The following KDM7A variants were observed in gnomAD, a reference collection of about 807,000 sequenced individuals.
KDM7A encodes the protein lysine-specific demethylase 7A.
A neutral mutation model predicts 114.8 loss-of-function variants in KDM7A; 28 were observed. That is an observed-to-expected ratio of 0.24 (90% confidence interval 0.18 to 0.33). The LOEUF (loss-of-function observed/expected upper bound fraction) is 0.33. Among genes scored for constraint, KDM7A ranks in the 10% least tolerant of loss-of-function variants. KDM7A has a pLI of 1.00. For missense variants in KDM7A, 942 were observed against 1,142.5 expected, an observed-to-expected ratio of 0.82 and a Z score of 2.53; for synonymous variants, 423 against 397.8, an observed-to-expected ratio of 1.06 and a Z score of -0.75.
rs1794710514 is a variant in KDM7A at position 140,176,519 on chromosome 7, C to A, written c.194+225G>T. Among the ~76,000 whole-genome samples, 1 of 146,886 alleles carries A rather than the reference C, an allele frequency of 6.8e-6. No homozygotes were observed. Among genetic ancestry groups the A allele is most frequent in the Non-Finnish European group, 1.5e-5 (1 of 65,992 alleles). On this transcript the variant is annotated intron_variant, in intron 1 of 19. Coordinates refer to ENST00000397560, the MANE Select transcript of KDM7A (RefSeq NM_030647.2). This position sits in a 1 kb window ranked among gnomAD's most constrained non-coding sequence, Gnocchi z 4.4. ...TTTGTTCGTGTTTGTTGTGGCGACT[C>A]TTCGCCCGGGCCAGGCGAGCCCACC...
chr7:140,106,252 A>AT (rs561119495), intron 11 of KDM7A, among the ~76,000 whole-genome samples: 404 of 151,932 alleles, frequency 2.7e-3, no homozygotes, highest in African/African-American at 7.7e-3. Context: ...AGATTCATTG[A>AT]TTTTTTTGAA....
Position 140,100,739 on chromosome 7 carries a change from TATACATATATA to T in KDM7A, c.1639-727_1639-717del, listed in dbSNP as rs1562946173. ...ATATATATATATATATATATATATATATACATATATATTTTTTTGTTTGTTTGTTTGTTTGT... is the reference window on the plus strand; with the variant it reads ...ATATATATATATATATATATATATATTTTTTTTGTTTGTTTGTTTGTTTGT... On this transcript the variant is annotated intron_variant, in intron 12 of 19. Transcript: ENST00000397560. Among the ~76,000 whole-genome samples the T allele has an allele frequency of 1.0e-3, 52 of 50,236 alleles. 1 individual carries two copies. Among genetic ancestry groups the T allele is most frequent in the African/African-American group, 3.8e-3 (51 of 13,424 alleles). 33.0% of individuals were successfully genotyped at this position (50,236 alleles called of 152,430 possible).
At chr7:140,175,018 T>C (rs190955883) in intron 1 of KDM7A, among the ~76,000 whole-genome samples, 9 of 152,346 alleles carry the variant, frequency 5.9e-5, no homozygotes, top group African/African-American at 1.9e-4. Flanking sequence ...TTTTATTCTA[T>C]ATAGAACCTA....
chr7:140,134,382 T>C (rs568301291), intron 2 of KDM7A, among the ~76,000 whole-genome samples: 1 of 152,194 alleles, frequency 6.6e-6, no homozygotes, highest in Admixed American at 6.5e-5. Flanking sequence ...TTCCTCAATG[T>C]AGGAATGAAG....
In KDM7A at chr7:140,115,665, G is replaced by A. The variant is rs377032161; in HGVS notation, c.1247-2083C>T. Among the ~76,000 whole-genome samples the A allele has an allele frequency of 5.1e-4, 78 of 151,874 alleles. No individual in the cohort carries two copies. The East Asian group carries it at 6.2e-3, about 12-fold the overall frequency. On this transcript the variant is annotated intron_variant, in intron 9 of 19. Coordinates refer to ENST00000397560, the MANE Select transcript of KDM7A (RefSeq NM_030647.2). ...AGGGACACAAACACTGCAGAAGGCC[G>A]CAGGGTCCTCTGCCTAGGAAAACCA...
At chr7:140,098,473 G>T in intron 14 of KDM7A, among the ~76,000 whole-genome samples, 1 of 152,158 alleles carries the variant, frequency 6.6e-6, no homozygotes, top group Admixed American at 6.5e-5. Context: ...ATTACTAACA[G>T]CTTCAGATTA....
At chr7:140,124,975 TC>T (rs1402811523) in intron 6 of KDM7A, among the ~76,000 whole-genome samples, 192 bp from the exon 7 acceptor site, 1 of 152,020 alleles carries the variant, frequency 6.6e-6, no homozygotes, top group Non-Finnish European at 1.5e-5. Flanking sequence ...TGTTTAAAGC[TC>T]CCCCTCCTCA....
At position 140,099,001 on chromosome 7, in the gene KDM7A, A is replaced by C; in HGVS notation, c.1796T>G (p.Leu599Arg). 6.2e-7 allele frequency: 1 copy of C among 1,613,254 alleles called. No individual in the cohort carries two copies. The highest frequency in any genetic ancestry group is 1.7e-5 in the Admixed American group (1 of 59,878). Residue 599 changes from leucine (L) to arginine (R), a missense_variant, in exon 14 of 20, where the codon CTT becomes CGT. Leu to Arg is a moderately radical substitution (Grantham distance 102). Around this residue, in one of 4 missense-constraint regions of KDM7A, gnomAD observed 512 missense variants for 576.6 expected, o/e 0.89. Coordinates refer to ENST00000397560, the MANE Select transcript of KDM7A (RefSeq NM_030647.2). ...DERQPFADQSLYTADSENEED... is the reference protein window; with the variant it reads ...DERQPFADQSRYTADSENEED... The stretch of plus-strand genomic sequence containing the variant: ...TTCATTTTCACTATCTGCTGTATAA[A>C]GACTTTGATCTGCAAAGGGCTGCCT...
At chr7:140,092,902 C>A (rs1017351002) in intron 18 of KDM7A, among the ~76,000 whole-genome samples, 1 of 152,182 alleles carries the variant, frequency 6.6e-6, no homozygotes, top group African/African-American at 2.4e-5. Flanking sequence ...TAAAATCATA[C>A]ACCGAAAAGT....
chr7:140,170,070 A>G (rs1363975762), intron 1 of KDM7A, among the ~76,000 whole-genome samples: 3 of 152,206 alleles, frequency 2.0e-5, no homozygotes, highest in Non-Finnish European at 1.5e-5. Context: ...TATTCACCTA[A>G]TAAGTTTATG....
In KDM7A at chr7:140,088,820, A is replaced by G. The variant is rs1355742111; in HGVS notation, c.*2274T>C. The G allele has an allele frequency of 9.8e-6, 3 of 305,116 alleles. No homozygotes were observed. Among genetic ancestry groups the G allele is most frequent in the East Asian group, 5.5e-5 (1 of 18,322 alleles). 18.9% of individuals were successfully genotyped at this position (305,116 alleles called of 1,614,324 possible). A position where few individuals can be genotyped will look rare whatever the true frequency, so the allele number is the denominator to read the frequency against. ...TTAGTACTTCTCAGCCTAAGGACAC[A>G]GTGGATACTGGCCACAATTTTAATT... On this transcript the variant is annotated 3_prime_UTR_variant, in exon 20 of 20. Transcript: ENST00000397560.
chr7:140,105,781 T>A (rs1361428630), intron 11 of KDM7A, among the ~76,000 whole-genome samples: 2 of 152,256 alleles, frequency 1.3e-5, no homozygotes, highest in African/African-American at 4.8e-5. Context: ...CAGGCTTTGC[T>A]ATCAGGATGA....
intron 9 of KDM7A, among the ~76,000 whole-genome samples, chr7:140,117,374 T>A (rs1818547959): frequency 6.6e-6 from 1 of 151,940 alleles, no homozygotes; most frequent in African/African-American, 2.4e-5. Context: ...GTCTTTCAGG[T>A]AAAGCTCTTA....
rs931256327 is a variant in KDM7A at position 140,119,273 on chromosome 7, T to A, written c.1140-54A>T. 16 of 968,092 alleles carry A rather than the reference T, an allele frequency of 1.7e-5. No individual in the cohort carries two copies. In the African/African-American group the frequency reaches 2.6e-4, roughly 16 times the overall value. 60.0% of individuals were successfully genotyped at this position (968,092 alleles called of 1,614,324 possible). The stretch of plus-strand genomic sequence containing the variant: ...TTAATATTAGAATTTCAAAGTTAGA[T>A]GAAAGTAACCAACTGGAAAATAAAA... On this transcript the variant is annotated intron_variant, in intron 8 of 19. Coordinates refer to ENST00000397560, the MANE Select transcript of KDM7A (RefSeq NM_030647.2).
chr7:140,091,946 G>A lies in KDM7A; in HGVS notation c.2589C>T (p.Asn863=). ...TTATCTGGCACGCCCCCGAAGTCAG[G>A]TTTGAATTCTGCATATACTTTCCAT... ...LQNGKYMQNS[N]LTSGACQISN... Residue 863 remains asparagine, a synonymous_variant, in exon 19 of 20, where the codon AAC becomes AAT. Coordinates refer to ENST00000397560, the MANE Select transcript of KDM7A (RefSeq NM_030647.2). 6.2e-7 allele frequency: 1 copy of A among 1,613,926 alleles called. No homozygotes were observed. Among genetic ancestry groups the A allele is most frequent in the Non-Finnish European group, 8.5e-7 (1 of 1,179,990 alleles).
chr7:140,174,981 C>T (rs1006463041), intron 1 of KDM7A, among the ~76,000 whole-genome samples: 2 of 152,106 alleles, frequency 1.3e-5, no homozygotes, highest in African/African-American at 2.4e-5. Context: ...AAAAAATAAG[C>T]ATTTACATAA....
chr7:140,171,581 A>AT (rs372430399), intron 1 of KDM7A, among the ~76,000 whole-genome samples: 3,580 of 144,070 alleles, frequency 0.025, 58 homozygotes, highest in Middle Eastern at 0.062. Context: ...ATATATATAT[A>AT]TTTTTATATA....
At chr7:140,101,263 A>T (rs1160204377) in intron 12 of KDM7A, among the ~76,000 whole-genome samples, 2 of 151,180 alleles carry the variant, frequency 1.3e-5, no homozygotes, top group Non-Finnish European at 2.9e-5. Context: ...ACTACCTCCC[A>T]CTCTCCCCTT....
At chr7:140,094,314 GGC>G (rs753388046) in intron 17 of KDM7A, among the ~76,000 whole-genome samples, 176 bp from the exon 18 acceptor site, 1 of 152,216 alleles carries the variant, frequency 6.6e-6, no homozygotes, top group Non-Finnish European at 1.5e-5. Context: ...AGACCAGCCT[GGC>G]CAACATGGTG....
Sources: gnomAD v4.1 joint callset for allele counts (sites outside exome capture counted in the v4.1 genomes callset) on GRCh38, gnomAD v4.1.1 for gene constraint, gnomAD v4.1.1 regional missense constraint, Gnocchi (gnomAD v3.1) non-coding constraint, MANE v1.5 for transcripts, NCBI Gene and HGNC (gene_info 2026-07-23, HGNC 2026-07-21) for gene names.